The following RXFP2 variants were observed in gnomAD, a reference collection of about 807,000 sequenced individuals.
RXFP2 encodes relaxin receptor 2.
Under a neutral mutation model 88.6 loss-of-function variants are expected in RXFP2, and 68 were observed. That is an observed-to-expected ratio of 0.77 (90% CI 0.63 to 0.94). The LOEUF (loss-of-function observed/expected upper bound fraction) is 0.94, where lower values mean the gene tolerates loss of function less well. Ranked by LOEUF, RXFP2 falls within the 40% of genes least tolerant of loss-of-function variation. The pLI, the probability that RXFP2 is intolerant of heterozygous loss-of-function variation, is 0.00. For missense variants in RXFP2, 791 were observed against 893.9 expected, an observed-to-expected ratio of 0.88 and a Z score of 1.47; for synonymous variants, 329 against 306.8, an observed-to-expected ratio of 1.07 and a Z score of -0.76.
chr13:31,748,294 T>C (rs1445364694), intron 1 of RXFP2, among the ~76,000 whole-genome samples: 1 of 152,310 alleles, frequency 6.6e-6, no homozygotes, highest in East Asian at 1.9e-4. Flanking sequence ...TCAAACTTAG[T>C]AGATAATGAT....
At chr13:31,795,389 A>G (rs1873982713) in intron 16 of RXFP2, among the ~76,000 whole-genome samples, 1 of 152,070 alleles carries the variant, frequency 6.6e-6, no homozygotes, top group African/African-American at 2.4e-5. Flanking sequence ...ACCTCAAGCG[A>G]TCCGCCCACC....
chr13:31,749,584 A>C (rs916818449), intron 1 of RXFP2, among the ~76,000 whole-genome samples: 1 of 152,204 alleles, frequency 6.6e-6, no homozygotes, highest in African/African-American at 2.4e-5. Flanking sequence ...AATGTCTTTC[A>C]CTAATAGTAT....
chr13:31,740,111 C>T (rs1004581002), intron 1 of RXFP2, among the ~76,000 whole-genome samples: 14 of 152,074 alleles, frequency 9.2e-5, no homozygotes, highest in African/African-American at 2.2e-4. Flanking sequence ...AACTATCTTG[C>T]GTGAACATAA....
intron 1 of RXFP2, among the ~76,000 whole-genome samples, chr13:31,745,939 G>A (rs9532440): frequency 0.24 from 36,808 of 152,038 alleles, 4,666 homozygotes; most frequent in South Asian, 0.42. Context: ...ATTAGGAGAC[G>A]GGAGGCAGCA....
chr13:31,741,235 A>G (rs1871215574), intron 1 of RXFP2, among the ~76,000 whole-genome samples: 1 of 152,100 alleles, frequency 6.6e-6, no homozygotes, highest in Non-Finnish European at 1.5e-5. Context: ...AGTAAAAGCC[A>G]TATTTCAAAC....
At chr13:31,743,835 C>CT (rs1167568380) in intron 1 of RXFP2, among the ~76,000 whole-genome samples, 1 of 152,062 alleles carries the variant, frequency 6.6e-6, no homozygotes, top group African/African-American at 2.4e-5. Flanking sequence ...CTCTTGCTCT[C>CT]TGAGTTCCCA....
At chr13:31,776,736 G>A (rs899125676) in intron 7 of RXFP2, among the ~76,000 whole-genome samples, 2 of 152,006 alleles carry the variant, frequency 1.3e-5, no homozygotes, top group East Asian at 1.9e-4. Flanking sequence ...TGCCCTCACC[G>A]GCCACTGCAA....
rs1426764132 is a variant in RXFP2, at chr13:31,802,483, C to A, written c.*78C>A. On this transcript the variant is annotated 3_prime_UTR_variant, in exon 18 of 18. Transcript: ENST00000298386. ...CTTTTGGAAGATGACATCTGCAATG[C>A]TTTTCATCTTTACCAACGGCAAGCC... The A allele has an allele frequency of 1.4e-6, 2 of 1,452,594 alleles. No homozygotes were observed. Among genetic ancestry groups the A allele is most frequent in the African/African-American group, 1.4e-5 (1 of 71,710 alleles). The allele number at this position is 1,452,594 out of a possible 1,614,324, so 90.0% of individuals were successfully genotyped here. A position where few individuals can be genotyped will look rare whatever the true frequency, so the allele number is the denominator to read the frequency against.
At position 31,789,126 on chromosome 13, in the gene RXFP2, C is replaced by T; in HGVS notation, c.1078C>T (p.Leu360=). ...ESLKQLQSLD[L]ERIEIPNINT... ...CCTATCGTGTGTATTTTCCAGAGACCTGGAAAGGATAGAGATTCCAAATAT... is the reference window on the plus strand; with the variant it reads ...CCTATCGTGTGTATTTTCCAGAGACTTGGAAAGGATAGAGATTCCAAATAT... Residue 360 remains leucine, a synonymous_variant, in exon 14 of 18, where the codon CTG becomes TTG. Coordinates refer to ENST00000298386, the MANE Select transcript of RXFP2 (RefSeq NM_130806.5). 1.9e-6 allele frequency: 3 copies of T among 1,602,488 alleles called. No homozygotes were observed. Among genetic ancestry groups the T allele is most frequent in the Non-Finnish European group, 2.6e-6 (3 of 1,170,666 alleles).
chr13:31,741,385 G>A (rs1871220184), intron 1 of RXFP2, among the ~76,000 whole-genome samples: 1 of 151,982 alleles, frequency 6.6e-6, no homozygotes, highest in African/African-American at 2.4e-5. Flanking sequence ...ATTAATCAAT[G>A]CTTTGACATT....
chr13:31,742,747 G>A (rs1389447938), intron 1 of RXFP2, among the ~76,000 whole-genome samples: 1 of 152,102 alleles, frequency 6.6e-6, no homozygotes, highest in African/African-American at 2.4e-5. Context: ...GGTTGGTATC[G>A]AAAAATGGCA....
intron 11 of RXFP2, among the ~76,000 whole-genome samples, chr13:31,786,127 G>T (rs1348775330): frequency 6.6e-6 from 1 of 152,190 alleles, no homozygotes; most frequent in East Asian, 1.9e-4. Context: ...ATGAAAGCCA[G>T]GTTGGGAATG....
At chr13:31,768,006 T>C (rs1478126003) in intron 5 of RXFP2, among the ~76,000 whole-genome samples, 1 of 152,196 alleles carries the variant, frequency 6.6e-6, no homozygotes, top group African/African-American at 2.4e-5. Flanking sequence ...TCTATGCCAA[T>C]ATCTCCCTCT....
intron 1 of RXFP2, among the ~76,000 whole-genome samples, chr13:31,756,293 G>A (rs1003807257): frequency 3.3e-5 from 5 of 152,148 alleles, no homozygotes; most frequent in Non-Finnish European, 5.9e-5. Context: ...ACGTGCCTTC[G>A]TGTTCTCAGT....
chr13:31,800,116 T>G (rs945628074), intron 17 of RXFP2, among the ~76,000 whole-genome samples: 15 of 152,200 alleles, frequency 9.9e-5, no homozygotes, highest in African/African-American at 2.9e-4. Flanking sequence ...TGACAAAGCT[T>G]CTTCTCGCTT....
Position 31,802,304 on chromosome 13 carries a change from TTA to T in RXFP2, c.2166_2167del (p.Leu722PhefsTer94). 1 of 1,613,310 alleles carries T rather than the reference TTA, an allele frequency of 6.2e-7. No homozygotes were observed. Among genetic ancestry groups the T allele is most frequent in the Non-Finnish European group, 8.5e-7 (1 of 1,179,382 alleles). On this transcript the variant is annotated frameshift_variant, in exon 18 of 18. Coordinates refer to ENST00000298386, the MANE Select transcript of RXFP2 (RefSeq NM_130806.5). LOFTEE classifies it high-confidence loss of function. ...KSIFKIKKKSLSTSIVWIEDS... is the reference protein window; with the variant it reads ...KSIFKIKKKSXSTSIVWIEDS... ...AATTTTCAAAATTAAAAAAAAAAGT[TTA>T]TCTACATCCATTGTGTGGATAGAGG...
chr13:31,776,114 C>CTTTA (rs1478659113), intron 7 of RXFP2, among the ~76,000 whole-genome samples: 2 of 135,978 alleles, frequency 1.5e-5, no homozygotes, highest in Admixed American at 1.5e-4. Context: ...TTCTTTCTTT[C>CTTTA]TTTCTTTCTT....
rs559899626 is a variant in RXFP2 at position 31,783,049 on chromosome 13, C to T, written c.929+302C>T. On this transcript the variant is annotated intron_variant, in intron 11 of 17. Transcript: ENST00000298386. Reference sequence around the variant, plus strand: ...GGCTTCTTAAACACAGGGATCATTTCTTTCTACTGACTGGAGTATAGTTAA... The same window carrying T: ...GGCTTCTTAAACACAGGGATCATTTTTTTCTACTGACTGGAGTATAGTTAA... Among the ~76,000 whole-genome samples the T allele has an allele frequency of 3.4e-4, 52 of 152,250 alleles. 1 individual carries two copies. Among genetic ancestry groups the T allele is most frequent in the Admixed American group, 2.0e-3 (31 of 15,286 alleles).
intron 1 of RXFP2, among the ~76,000 whole-genome samples, chr13:31,758,012 A>G (rs1042557721): frequency 6.6e-6 from 1 of 152,132 alleles, no homozygotes; most frequent in Non-Finnish European, 1.5e-5. Flanking sequence ...GAATCGTTTG[A>G]ATTTGGGAGG....
Sources: gnomAD v4.1 joint callset for allele counts (sites outside exome capture counted in the v4.1 genomes callset) on GRCh38, gnomAD v4.1.1 for gene constraint, MANE v1.5 for transcripts, NCBI Gene and HGNC (gene_info 2026-07-23, HGNC 2026-07-21) for gene names.